Variants in ZNF480 observed in about 807,000 individuals in gnomAD.
The protein encoded by ZNF480 is zinc finger protein 480.
ZNF480 carries 15 observed loss-of-function variants against 14.4 expected under a neutral mutation model. That is an observed-to-expected ratio of 1.04 (90% CI 0.70 to 1.60). The LOEUF is 1.60. Ranked by LOEUF, ZNF480 falls within the 40% of genes most tolerant of loss-of-function variation. The pLI, the probability that ZNF480 is intolerant of heterozygous loss-of-function variation, is 0.00. For missense variants in ZNF480, 593 were observed against 629.7 expected, an observed-to-expected ratio of 0.94 and a Z score of 0.62; for synonymous variants, 218 against 215.5, an observed-to-expected ratio of 1.01 and a Z score of -0.10.
chr19:52,302,709 T>A (rs1400114990), intron 2 of ZNF480, among the ~76,000 whole-genome samples: 1 of 152,196 alleles, frequency 6.6e-6, no homozygotes, highest in Non-Finnish European at 1.5e-5. Context: ...AGAATTAGGT[T>A]CCAATCCTCG....
chr19:52,300,731 G>A, intron 2 of ZNF480: 1 of 606,274 alleles, frequency 1.6e-6, no homozygotes, highest in Non-Finnish European at 2.8e-6. Flanking sequence ...AGCCTTCAGA[G>A]CTGAGAGCTG....
At position 52,321,975 on chromosome 19, in the gene ZNF480, G is replaced by A. The variant is rs148271899; in HGVS notation, c.725G>A (p.Arg242His). The stretch of plus-strand genomic sequence containing the variant: ...AATTCATGCGGCAAGGTCTTTAGTC[G>A]CAATTCACACCTTGCAGAACATTGT... Reference protein sequence around the residue: ...KCNSCGKVFSRNSHLAEHCRI... With the variant: ...KCNSCGKVFSHNSHLAEHCRI... The change falls in exon 5 of 5, where the codon CGC becomes CAC. Residue 242 changes from arginine to histidine, a missense_variant. Transcript: ENST00000595962. The A allele has an allele frequency of 1.3e-4, 206 of 1,612,154 alleles. No individual in the cohort carries two copies. The highest frequency in any genetic ancestry group is 1.4e-4 in the Non-Finnish European group (169 of 1,178,606).
rs757439055 is a variant in ZNF480, at chr19:52,321,960, G to A, written c.710G>A (p.Gly237Asp). Residue 237 changes from glycine (G) to aspartate (D), a missense_variant, in exon 5 of 5, where the codon GGC becomes GAC. By Grantham distance (94) the Gly-to-Asp change is moderately conservative. Transcript: ENST00000595962. ...VEKPYKCNSC[G>D]KVFSRNSHLA... ...AAACCTTACAAATGTAATTCATGCG[G>A]CAAGGTCTTTAGTCGCAATTCACAC... The A allele has an allele frequency of 4.3e-6, 7 of 1,612,388 alleles. No homozygotes were observed. Among genetic ancestry groups the A allele is most frequent in the Non-Finnish European group, 5.9e-6 (7 of 1,178,624 alleles).
intron 4 of ZNF480, among the ~76,000 whole-genome samples, chr19:52,316,843 T>C (rs1456416399): frequency 6.6e-6 from 1 of 152,216 alleles, no homozygotes; most frequent in East Asian, 1.9e-4. Flanking sequence ...CGTAGTGTCT[T>C]TCAGGTTCAT....
chr19:52,309,190 ACAAT>A (rs1188311325), intron 2 of ZNF480, among the ~76,000 whole-genome samples: 1 of 152,186 alleles, frequency 6.6e-6, no homozygotes, highest in African/African-American at 2.4e-5. Flanking sequence ...CTCTGAATTA[ACAAT>A]CAGTCACCTC....
intron 2 of ZNF480, 166 bp from the exon 3 acceptor site, chr19:52,313,987 G>GAA: frequency 4.0e-6 from 3 of 754,334 alleles, no homozygotes; most frequent in South Asian, 1.7e-5. Flanking sequence ...TCAAAAAAAA[G>GAA]AAAAAAAACA....
rs190314325 is a variant in ZNF480, at chr19:52,299,337, C to T, written c.-19-1057C>T. On this transcript the variant is annotated intron_variant, in intron 1 of 4. Transcript: ENST00000595962. Reference sequence around the variant, plus strand: ...CACCAACAAGCAATTCGTCAGACACCGCCTGGGTGATCCGTAATTTCAGTC... The same window carrying T: ...CACCAACAAGCAATTCGTCAGACACTGCCTGGGTGATCCGTAATTTCAGTC... 3.6e-3 allele frequency among the ~76,000 whole-genome samples: 551 copies of T among 152,262 alleles called. 4 individuals are homozygous for T. Among genetic ancestry groups the T allele is most frequent in the Middle Eastern group, 0.014 (4 of 292 alleles).
At chr19:52,300,750 G>A (rs1982652932) in intron 2 of ZNF480, 2 of 541,342 alleles carry the variant, frequency 3.7e-6, no homozygotes, top group Non-Finnish European at 6.5e-6. Flanking sequence ...TGCGAACAGG[G>A]TTTGACCCAC....
intron 2 of ZNF480, among the ~76,000 whole-genome samples, chr19:52,307,863 C>A (rs766695830): frequency 2.6e-4 from 39 of 152,224 alleles, no homozygotes; most frequent in Non-Finnish European, 5.1e-4. Flanking sequence ...GTGTTCCTTG[C>A]CCTTCTCCAG....
chr19:52,308,091 G>A (rs1983048422), intron 2 of ZNF480, among the ~76,000 whole-genome samples: 1 of 152,094 alleles, frequency 6.6e-6, no homozygotes, highest in Non-Finnish European at 1.5e-5. Context: ...GTTCTGGGAA[G>A]GGCTCACTCC....
At chr19:52,320,522 G>C (rs1983761833) in intron 4 of ZNF480, among the ~76,000 whole-genome samples, 1 of 152,138 alleles carries the variant, frequency 6.6e-6, no homozygotes, top group Non-Finnish European at 1.5e-5. Flanking sequence ...GAGGCTGGAT[G>C]TGGTGGCTCA....
Position 52,324,647 on chromosome 19 carries a change from C to G in ZNF480, c.*1789C>G, listed in dbSNP as rs1341507491. On this transcript the variant is annotated 3_prime_UTR_variant, in exon 5 of 5. Transcript: ENST00000595962. ...CAGAAATAAAGGCATATACCTACAA[C>G]CATGTGATCCTCAACAAAACTGACA... is the stretch of plus-strand genomic sequence containing the variant. 1 of 152,092 alleles carries G rather than the reference C, an allele frequency of 6.6e-6. No individual in the cohort carries two copies. Among genetic ancestry groups the G allele is most frequent in the Admixed American group, 6.6e-5 (1 of 15,266 alleles). The allele number at this position is 152,092 out of a possible 1,614,324, so 9.4% of individuals were successfully genotyped here.
At position 52,322,932 on chromosome 19, in the gene ZNF480, A is replaced by G; in HGVS notation, c.*74A>G. The G allele has an allele frequency of 7.2e-7, 1 of 1,386,916 alleles. No homozygotes were observed. Among genetic ancestry groups the G allele is most frequent in the South Asian group, 1.7e-5 (1 of 58,508 alleles). 85.9% of individuals were successfully genotyped at this position (1,386,916 alleles called of 1,614,324 possible). A position where few individuals can be genotyped will look rare whatever the true frequency, so the allele number is the denominator to read the frequency against. Reference sequence around the variant, plus strand: ...CCTTACTACCCATCTTTTATTCCATACTGCAAAGAAATTTTGCAAATGTAA... The same window carrying G: ...CCTTACTACCCATCTTTTATTCCATGCTGCAAAGAAATTTTGCAAATGTAA... On this transcript the variant is annotated 3_prime_UTR_variant, in exon 5 of 5. Coordinates refer to ENST00000595962, the MANE Select transcript of ZNF480 (RefSeq NM_144684.4).
intron 2 of ZNF480, among the ~76,000 whole-genome samples, chr19:52,304,131 A>G (rs988891619): frequency 3.9e-5 from 6 of 152,382 alleles, no homozygotes; most frequent in Admixed American, 3.9e-4. Context: ...TGGACAGTTT[A>G]ACATGCCTTG....
chr19:52,302,307 G>A (rs549500686), intron 2 of ZNF480, among the ~76,000 whole-genome samples: 111 of 152,326 alleles, frequency 7.3e-4, no homozygotes, highest in Non-Finnish European at 1.4e-3. Flanking sequence ...AAAATTTAAA[G>A]TCAATAATGC....
intron 3 of ZNF480, among the ~76,000 whole-genome samples, chr19:52,314,494 A>AC (rs1555798750): frequency 2.7e-5 from 4 of 150,892 alleles, no homozygotes; most frequent in African/African-American, 9.8e-5. Flanking sequence ...AAAAAAAAAA[A>AC]AAAACCAAAA....
intron 4 of ZNF480, among the ~76,000 whole-genome samples, chr19:52,318,514 C>T (rs1983661541): frequency 6.6e-6 from 1 of 152,158 alleles, no homozygotes; most frequent in Admixed American, 6.6e-5. Flanking sequence ...CTTCTATCCA[C>T]AATAGTTCTC....
At chr19:52,304,312 C>T (rs1365234865) in intron 2 of ZNF480, among the ~76,000 whole-genome samples, 1 of 152,182 alleles carries the variant, frequency 6.6e-6, no homozygotes, top group Non-Finnish European at 1.5e-5. Flanking sequence ...AAAAGGCAGT[C>T]CTGGCTGCAA....
intron 4 of ZNF480, 76 bp downstream of exon 4, chr19:52,316,038 G>A: frequency 7.1e-7 from 1 of 1,412,094 alleles, no homozygotes; most frequent in South Asian, 1.8e-5. Context: ...GTCTAGTTTT[G>A]GTTTTTTATG....
Sources: gnomAD v4.1 joint callset for allele counts (sites outside exome capture counted in the v4.1 genomes callset) on GRCh38, gnomAD v4.1.1 for gene constraint, MANE v1.5 for transcripts, NCBI Gene and HGNC (gene_info 2026-07-23, HGNC 2026-07-21) for gene names.